Variants in PLCL2 observed in about 807,000 individuals in gnomAD.
PLCL2 encodes phospholipase C like 2.
Under a neutral mutation model 79.6 loss-of-function variants are expected in PLCL2, and 4 were observed. The observed-to-expected ratio is 0.05, with a 90% CI of 0.02 to 0.11. The LOEUF (loss-of-function observed/expected upper bound fraction) is 0.11, where lower values mean the gene tolerates loss of function less well. Ranked by LOEUF, PLCL2 falls within the 10% of genes least tolerant of loss-of-function variation. The pLI is 1.00. For synonymous variants in PLCL2, 484 were observed against 457.7 expected, an observed-to-expected ratio of 1.06 and a Z score of -0.73; for missense variants, 895 against 1,291.0, an observed-to-expected ratio of 0.69 and a Z score of 4.70.
chr3:16,943,827 A>C (rs2063577304), intron 1 of PLCL2, among the ~76,000 whole-genome samples: 3 of 152,320 alleles, frequency 2.0e-5, no homozygotes, highest in African/African-American at 7.2e-5. Flanking sequence ...ATTATAAAAT[A>C]ATTTTCTAAT....
intron 1 of PLCL2, among the ~76,000 whole-genome samples, chr3:16,955,336 G>A (rs1208629058): frequency 6.6e-6 from 1 of 152,170 alleles, no homozygotes; most frequent in Non-Finnish European, 1.5e-5. Flanking sequence ...TCAGATGGTT[G>A]TAGATGTGTG....
chr3:17,086,850 G>A (rs984017243), intron 5 of PLCL2, among the ~76,000 whole-genome samples: 5 of 151,958 alleles, frequency 3.3e-5, no homozygotes, highest in Admixed American at 2.6e-4. Flanking sequence ...TAAAAACTGG[G>A]CAAAAGTCTG....
intron 3 of PLCL2, among the ~76,000 whole-genome samples, chr3:17,034,485 T>C (rs904899801): frequency 6.6e-6 from 1 of 152,216 alleles, no homozygotes; most frequent in Non-Finnish European, 1.5e-5. Flanking sequence ...TTGAGCTGTG[T>C]GGTAGTAGGA....
intron 1 of PLCL2, among the ~76,000 whole-genome samples, chr3:16,922,955 A>G (rs1264458864): frequency 1.3e-5 from 2 of 152,172 alleles, no homozygotes; most frequent in Non-Finnish European, 2.9e-5. Context: ...AGGTGAAAAA[A>G]AGGATTCATT....
intron 5 of PLCL2, among the ~76,000 whole-genome samples, chr3:17,083,100 A>C (rs1047218832): frequency 2.0e-5 from 3 of 152,106 alleles, no homozygotes; most frequent in African/African-American, 7.2e-5. Flanking sequence ...ATTTAGTGGA[A>C]GAGACAGACA....
chr3:16,981,427 A>G (rs1035989585), intron 1 of PLCL2, among the ~76,000 whole-genome samples: 1 of 152,188 alleles, frequency 6.6e-6, no homozygotes. Flanking sequence ...TTGCAAATCC[A>G]TCTTCATTTT....
chr3:16,938,177 G>A (rs1203615027), intron 1 of PLCL2, among the ~76,000 whole-genome samples: 1 of 152,164 alleles, frequency 6.6e-6, no homozygotes, highest in Non-Finnish European at 1.5e-5. Context: ...ATCATGTTTG[G>A]TGGATCTGTT....
In PLCL2 at chr3:16,885,308, G is replaced by A; in HGVS notation, c.269G>A (p.Cys90Tyr). ...GCCCCGACCCCCAGCGCGGTCGTCT[G>A]TACCCTCCCCCGGGAGAGCAAGCCG... ...ALAPTPSAVV[C>Y]TLPRESKPGG... The change falls in exon 1 of 6, where the codon TGT becomes TAT. Residue 90 changes from cysteine to tyrosine, a missense_variant. Cys to Tyr is a radical substitution (Grantham distance 194). Around this residue, in one of 6 missense-constraint regions of PLCL2, gnomAD observed 110 missense variants for 42.9 expected, o/e 2.56. Transcript: ENST00000615277. 1.5e-6 allele frequency: 1 copy of A among 670,054 alleles called. No individual in the cohort carries two copies. The highest frequency in any genetic ancestry group is 1.5e-5 in the South Asian group (1 of 64,766). The allele number at this position is 670,054 out of a possible 1,614,324, so 41.5% of individuals were successfully genotyped here.
chr3:17,052,324 G>C (rs2064851060), intron 4 of PLCL2, among the ~76,000 whole-genome samples: 2 of 151,686 alleles, frequency 1.3e-5, no homozygotes, highest in South Asian at 4.2e-4. Context: ...CCACACCAGA[G>C]GAATTAACAG....
At chr3:16,940,153 C>T (rs529804232) in intron 1 of PLCL2, among the ~76,000 whole-genome samples, 1 of 152,200 alleles carries the variant, frequency 6.6e-6, no homozygotes, top group African/African-American at 2.4e-5. Flanking sequence ...TCCAGATGTC[C>T]CTCCCGGCGG....
At chr3:16,979,054 T>G (rs898373777) in intron 1 of PLCL2, among the ~76,000 whole-genome samples, 7 of 152,236 alleles carry the variant, frequency 4.6e-5, no homozygotes, top group Non-Finnish European at 8.8e-5. Context: ...TGTTGTTGCC[T>G]TATTGACTTT....
intron 1 of PLCL2, among the ~76,000 whole-genome samples, chr3:16,894,203 T>C (rs1044364308): frequency 1.3e-5 from 2 of 152,236 alleles, no homozygotes; most frequent in African/African-American, 4.8e-5. Context: ...ATGTTTATTA[T>C]TGAATAAAGG....
intron 1 of PLCL2, among the ~76,000 whole-genome samples, chr3:16,944,332 G>A (rs2063581543): frequency 6.6e-6 from 1 of 152,114 alleles, no homozygotes; most frequent in Admixed American, 6.5e-5. Flanking sequence ...TCAATGGGGA[G>A]CCAGATGACT....
intron 1 of PLCL2, among the ~76,000 whole-genome samples, chr3:17,007,633 T>C (rs1269590979): frequency 1.3e-5 from 2 of 152,252 alleles, no homozygotes; most frequent in South Asian, 4.1e-4. Flanking sequence ...ATTTAAAGTT[T>C]AAGTTTAATT....
chr3:17,086,908 A>G (rs1256782574), intron 5 of PLCL2, among the ~76,000 whole-genome samples: 4 of 152,266 alleles, frequency 2.6e-5, no homozygotes, highest in African/African-American at 7.2e-5. Context: ...GTATATTAGC[A>G]TCACATGTCA....
intron 5 of PLCL2, among the ~76,000 whole-genome samples, chr3:17,086,935 TAAAAC>T (rs963289396): frequency 2.6e-5 from 4 of 152,186 alleles, no homozygotes; most frequent in Non-Finnish European, 5.9e-5. Flanking sequence ...AATTATATAT[TAAAAC>T]AACAATGAGA....
intron 4 of PLCL2, among the ~76,000 whole-genome samples, chr3:17,054,710 C>T (rs921380922): frequency 1.2e-4 from 19 of 152,166 alleles, no homozygotes; most frequent in African/African-American, 4.1e-4. Flanking sequence ...TTACCTCCCA[C>T]CAGGACCCAC....
At chr3:17,000,295 G>A (rs1380453567) in intron 1 of PLCL2, among the ~76,000 whole-genome samples, 1 of 152,000 alleles carries the variant, frequency 6.6e-6, no homozygotes, top group Non-Finnish European at 1.5e-5. Flanking sequence ...ATCTGAACTA[G>A]AATTATCTTG....
At chr3:16,901,843 C>T (rs1696626183) in intron 1 of PLCL2, among the ~76,000 whole-genome samples, 2 of 152,206 alleles carry the variant, frequency 1.3e-5, no homozygotes, top group South Asian at 4.1e-4. Flanking sequence ...TCTGTGATCT[C>T]TTTCTGCATT....
Sources: allele counts gnomAD v4.1 joint callset (sites outside exome capture counted in the v4.1 genomes callset), GRCh38; gene constraint gnomAD v4.1.1; regional missense constraint gnomAD v4.1.1; transcripts MANE v1.5; gene names NCBI Gene and HGNC (gene_info 2026-07-23, HGNC 2026-07-21).